The following TENM4 variants were observed in gnomAD, a reference collection of about 807,000 sequenced individuals.
TENM4 encodes teneurin transmembrane protein 4.
Under a neutral mutation model 243.3 loss-of-function variants are expected in TENM4, and 82 were observed. The observed-to-expected ratio is 0.34, with a 90% CI of 0.28 to 0.40. The LOEUF is 0.40. TENM4 is among the 10% of genes least tolerant of loss of function. TENM4 has a pLI of 1.00. For missense variants in TENM4, 3,138 were observed against 3,673.3 expected (o/e 0.85, Z 3.77); for synonymous variants, 1,412 against 1,456.3 (o/e 0.97, Z 0.69).
At chr11:79,285,989 A>G (rs1395052164) in intron 2 of TENM4, among the ~76,000 whole-genome samples, 1 of 152,026 alleles carries the variant, frequency 6.6e-6, no homozygotes, top group Non-Finnish European at 1.5e-5. Flanking sequence ...TGAATAGACT[A>G]AAAAAATACT....
intron 9 of TENM4, among the ~76,000 whole-genome samples, chr11:78,886,640 G>A (rs1226955668): frequency 6.6e-6 from 1 of 152,222 alleles, no homozygotes. Flanking sequence ...CTGTGTGGTA[G>A]AGCAGGGCCT....
intron 12 of TENM4, among the ~76,000 whole-genome samples, chr11:78,853,205 T>C (rs559708760): frequency 6.6e-6 from 1 of 152,202 alleles, no homozygotes; most frequent in Non-Finnish European, 1.5e-5. Flanking sequence ...AATGGAGTTA[T>C]ATTCTTCCAT....
At chr11:78,915,656 G>A (rs1219919865) in intron 6 of TENM4, among the ~76,000 whole-genome samples, 2 of 152,152 alleles carry the variant, frequency 1.3e-5, no homozygotes, top group Admixed American at 1.3e-4. Context: ...AGAAAATCAA[G>A]ACAATGAATC....
intron 1 of TENM4, among the ~76,000 whole-genome samples, chr11:79,299,565 A>G (rs910735502): frequency 7.5e-4 from 114 of 152,152 alleles, no homozygotes; most frequent in African/African-American, 2.7e-3. Context: ...CATTCCCAAA[A>G]GAGCGCTTTG....
At chr11:78,813,909 C>A (rs1266046508) in intron 13 of TENM4, among the ~76,000 whole-genome samples, 1 of 152,204 alleles carries the variant, frequency 6.6e-6, no homozygotes, top group Non-Finnish European at 1.5e-5. Flanking sequence ...GCCAGAGAGA[C>A]ATCACACTAG....
At chr11:79,357,422 C>G (rs1160280985) in intron 1 of TENM4, among the ~76,000 whole-genome samples, 2 of 152,220 alleles carry the variant, frequency 1.3e-5, no homozygotes, top group African/African-American at 4.8e-5. Flanking sequence ...GGGACAATCC[C>G]TATCCAGTTT....
chr11:79,013,376 A>G, intron 6 of TENM4, among the ~76,000 whole-genome samples: 1 of 152,206 alleles, frequency 6.6e-6, no homozygotes, highest in Non-Finnish European at 1.5e-5. Context: ...CCCAGGCAGA[A>G]TTAATCCCCT....
chr11:78,855,497 G>A (rs889678523), intron 11 of TENM4, among the ~76,000 whole-genome samples: 2 of 152,164 alleles, frequency 1.3e-5, no homozygotes, highest in Non-Finnish European at 2.9e-5. Flanking sequence ...GCCAGGTCCT[G>A]CACTAGCTGC....
chr11:78,771,159 T>G, intron 17 of TENM4, 21 bp from the exon 18 acceptor site: 1 of 1,558,422 alleles, frequency 6.4e-7, no homozygotes, highest in Non-Finnish European at 8.7e-7. Flanking sequence ...AAGTACAGGG[T>G]TGAGGTCTGA....
At position 78,839,789 on chromosome 11, in the gene TENM4, T is replaced by A. The variant is rs567402954; in HGVS notation, c.1681+14315A>T. On this transcript the variant is annotated intron_variant, in intron 12 of 33. Transcript: ENST00000278550. Reference sequence around the variant, plus strand: ...ATGATGCTGTTTCTTTTTCTGTCTTTCGTTTTCAGTATTTCTATGACTTAG... The same window carrying A: ...ATGATGCTGTTTCTTTTTCTGTCTTACGTTTTCAGTATTTCTATGACTTAG... Among the ~76,000 whole-genome samples the A allele has an allele frequency of 2.0e-5, 3 of 152,358 alleles. No individual in the cohort carries two copies. In the East Asian group the frequency reaches 5.8e-4, roughly 29 times the overall value.
chr11:79,393,131 C>A (rs1222380354), intron 1 of TENM4, among the ~76,000 whole-genome samples: 2 of 152,134 alleles, frequency 1.3e-5, no homozygotes, highest in Non-Finnish European at 2.9e-5. Flanking sequence ...CTTCTTTCCA[C>A]TCTGAAATCC....
intron 19 of TENM4, among the ~76,000 whole-genome samples, chr11:78,753,875 G>C (rs1157744753): frequency 6.6e-6 from 1 of 152,218 alleles, no homozygotes; most frequent in Non-Finnish European, 1.5e-5. Flanking sequence ...GAAGGTGACA[G>C]ATATATAAAC....
intron 1 of TENM4, among the ~76,000 whole-genome samples, chr11:79,344,175 G>A (rs1373733260): frequency 6.6e-6 from 1 of 152,172 alleles, no homozygotes; most frequent in Non-Finnish European, 1.5e-5. Flanking sequence ...AAATGAATGA[G>A]CATATGGAAA....
At chr11:78,868,546 C>T (rs1485570272) in intron 9 of TENM4, among the ~76,000 whole-genome samples, 1 of 152,130 alleles carries the variant, frequency 6.6e-6, no homozygotes, top group African/African-American at 2.4e-5. Flanking sequence ...TTTTCCTGTC[C>T]AGTGAGACAT....
In TENM4 at chr11:79,077,828, T is replaced by C. The variant is rs1236511834; in HGVS notation, c.-65-7819A>G. Among the ~76,000 whole-genome samples, 5 of 152,242 alleles carry C rather than the reference T, an allele frequency of 3.3e-5. No homozygotes were observed. The East Asian group carries it at 5.8e-4, about 18-fold the overall frequency. ...TGGACAGTAAAATGCAAAATGCATGTGGCAGAGAGAGCCTGCCCTCGGAGG... is the reference window on the plus strand; with the variant it reads ...TGGACAGTAAAATGCAAAATGCATGCGGCAGAGAGAGCCTGCCCTCGGAGG... On this transcript the variant is annotated intron_variant, in intron 4 of 33. Coordinates refer to ENST00000278550, the MANE Select transcript of TENM4 (RefSeq NM_001098816.3).
intron 3 of TENM4, among the ~76,000 whole-genome samples, chr11:79,205,261 G>T (rs11827871): frequency 0.099 from 15,036 of 152,104 alleles, 1,139 homozygotes; most frequent in African/African-American, 0.21. Context: ...TTTTGCAAAA[G>T]TATAAAATAC....
At position 78,934,041 on chromosome 11, in the gene TENM4, C is replaced by A. The variant is rs921078364; in HGVS notation, c.494-30518G>T. Among the ~76,000 whole-genome samples, 14 of 152,070 alleles carry A rather than the reference C, an allele frequency of 9.2e-5. No homozygotes were observed. The South Asian group carries it at 2.9e-3, about 32-fold the overall frequency. The stretch of plus-strand genomic sequence containing the variant: ...TACTGTTAGGAATTTTAAAATACCC[C>A]TCAAATGGGCAGTACTCAGGGCAGT... On this transcript the variant is annotated intron_variant, in intron 6 of 33. Transcript: ENST00000278550.
chr11:79,354,810 CA>C (rs1183205574), intron 1 of TENM4, among the ~76,000 whole-genome samples: 1 of 145,264 alleles, frequency 6.9e-6, no homozygotes, highest in Non-Finnish European at 1.6e-5. Context: ...AACAAACAAA[CA>C]AAAAAAGAAT....
At chr11:79,043,252 G>A (rs1415571519) in intron 6 of TENM4, among the ~76,000 whole-genome samples, 1 of 152,214 alleles carries the variant, frequency 6.6e-6, no homozygotes, top group African/African-American at 2.4e-5. Flanking sequence ...TCATACCTCA[G>A]ATCTTTTTAT....
Sources: allele counts gnomAD v4.1 joint callset (sites outside exome capture counted in the v4.1 genomes callset), GRCh38; gene constraint gnomAD v4.1.1; transcripts MANE v1.5; gene names NCBI Gene and HGNC (gene_info 2026-07-23, HGNC 2026-07-21).